PCDHA9: variants seen among roughly 807,000 people sequenced by gnomAD.
PCDHA9 encodes protocadherin alpha 9.
Under a neutral mutation model 62.0 loss-of-function variants are expected in PCDHA9, and 62 were observed. The observed-to-expected ratio is 1.00, with a 90% CI of 0.81 to 1.23. The LOEUF (loss-of-function observed/expected upper bound fraction) is 1.23. PCDHA9 is among the 50% of genes most tolerant of loss of function. PCDHA9 has a pLI of 0.00. For missense variants in PCDHA9, 1,205 were observed against 1,249.8 expected, an observed-to-expected ratio of 0.96 and a Z score of 0.54; for synonymous variants, 557 against 567.6, an observed-to-expected ratio of 0.98 and a Z score of 0.27.
At chr5:140,863,360 G>T in intron 1 of PCDHA9, 1 of 1,206,130 alleles carries the variant, frequency 8.3e-7, no homozygotes, top group Non-Finnish European at 1.2e-6. Context: ...ACGCTGCGGT[G>T]CTTGGCGCAG....
At chr5:140,953,092 G>A (rs141861684) in intron 1 of PCDHA9, among the ~76,000 whole-genome samples, 2 of 152,252 alleles carry the variant, frequency 1.3e-5, no homozygotes, top group South Asian at 2.1e-4. Context: ...ATTACAATTT[G>A]ACATGAGATT....
chr5:140,924,531 G>A (rs1194516404), intron 1 of PCDHA9, among the ~76,000 whole-genome samples: 2 of 152,070 alleles, frequency 1.3e-5, no homozygotes, highest in African/African-American at 2.4e-5. Flanking sequence ...GAGAATGCCC[G>A]AGCTACCCCT....
chr5:140,882,182 G>A (rs1357141908), intron 1 of PCDHA9: 1 of 1,518,510 alleles, frequency 6.6e-7, no homozygotes, highest in Non-Finnish European at 8.8e-7. Context: ...TCCGCACTAG[G>A]AAGCCATAAA....
At chr5:140,912,237 A>T (rs2075827332) in intron 1 of PCDHA9, among the ~76,000 whole-genome samples, 2 of 152,122 alleles carry the variant, frequency 1.3e-5, no homozygotes, top group South Asian at 4.2e-4. Flanking sequence ...CACTGACTCA[A>T]ATGTTAATCT....
intron 1 of PCDHA9, among the ~76,000 whole-genome samples, chr5:140,912,933 C>T (rs1433213824): frequency 6.6e-6 from 1 of 152,070 alleles, no homozygotes; most frequent in African/African-American, 2.4e-5. Context: ...TTGAATCATC[C>T]TTGTATCCCT....
intron 1 of PCDHA9, among the ~76,000 whole-genome samples, chr5:140,890,741 A>G (rs1346321522): frequency 2.0e-5 from 3 of 152,132 alleles, no homozygotes; most frequent in African/African-American, 7.2e-5. Flanking sequence ...CTTATATACT[A>G]TTTCTGTCAT....
intron 1 of PCDHA9, chr5:140,882,678 A>G: frequency 6.2e-7 from 1 of 1,614,250 alleles, no homozygotes; most frequent in East Asian, 2.2e-5. Flanking sequence ...CCTGAAAGCA[A>G]GAAACGAATA....
intron 1 of PCDHA9, among the ~76,000 whole-genome samples, chr5:140,910,364 TATGCCCACCTTGCC>T: frequency 6.6e-6 from 1 of 152,222 alleles, no homozygotes; most frequent in Admixed American, 6.5e-5. Context: ...TTATGGTAGC[TATGCCCACCTTGCC>T]TTTGACAGTT....
chr5:140,990,871 G>GT, intron 3 of PCDHA9, among the ~76,000 whole-genome samples: 1 of 152,284 alleles, frequency 6.6e-6, no homozygotes, highest in East Asian at 1.9e-4. Context: ...TATTTTAAGT[G>GT]TATGTTCCAG....
intron 1 of PCDHA9, among the ~76,000 whole-genome samples, chr5:140,900,073 G>C (rs1490261769): frequency 6.6e-6 from 1 of 152,072 alleles, no homozygotes; most frequent in South Asian, 2.1e-4. Context: ...GCCTCCAAAA[G>C]TGCTGCAGTT....
intron 1 of PCDHA9, chr5:140,856,523 G>T: frequency 6.3e-7 from 1 of 1,598,526 alleles, no homozygotes; most frequent in Non-Finnish European, 8.6e-7. Context: ...CGCATCTGAT[G>T]CGGATGTTGG....
At chr5:140,869,471 T>A in intron 1 of PCDHA9, 1 of 1,613,696 alleles carries the variant, frequency 6.2e-7, no homozygotes, top group East Asian at 2.2e-5. Context: ...AACGTGGAGG[T>A]GAAGGACATT....
intron 1 of PCDHA9, among the ~76,000 whole-genome samples, chr5:140,901,300 C>T (rs189786790): frequency 3.3e-5 from 5 of 152,176 alleles, no homozygotes; most frequent in African/African-American, 9.6e-5. Flanking sequence ...ACTGATGTTC[C>T]GGAGAGTTTC....
At chr5:140,869,591 A>AGAAT in intron 1 of PCDHA9, 1 of 1,614,138 alleles carries the variant, frequency 6.2e-7, no homozygotes. Flanking sequence ...GCTGACATTG[A>AGAAT]AGAGAATGCT....
At chr5:140,978,827 G>T (rs2096825118) in intron 1 of PCDHA9, 122 bp from the exon 2 acceptor site, 2 of 1,528,744 alleles carry the variant, frequency 1.3e-6, no homozygotes, top group Admixed American at 2.0e-5. Flanking sequence ...ACATGAAATG[G>T]CTCATTCAAT....
chr5:140,980,412 A>G (rs1264059417), intron 2 of PCDHA9, among the ~76,000 whole-genome samples: 4 of 152,302 alleles, frequency 2.6e-5, no homozygotes, highest in Non-Finnish European at 5.9e-5. Flanking sequence ...TGGGCAGATC[A>G]TGAGGTCAAG....
At chr5:140,971,630 C>A (rs1281130153) in intron 1 of PCDHA9, among the ~76,000 whole-genome samples, 1 of 151,972 alleles carries the variant, frequency 6.6e-6, no homozygotes, top group Non-Finnish European at 1.5e-5. Context: ...ACAATTAGTA[C>A]CATGTGCCTA....
At chr5:140,985,670 G>A (rs1554247237) in intron 3 of PCDHA9, among the ~76,000 whole-genome samples, 1 of 152,024 alleles carries the variant, frequency 6.6e-6, no homozygotes, top group East Asian at 1.9e-4. Flanking sequence ...AAAGGAAGTG[G>A]GGCCTGCCTT....
In PCDHA9 at chr5:140,917,987, A is replaced by G. The variant is rs140618239; in HGVS notation, c.2395-60962A>G. 3.9e-3 allele frequency among the ~76,000 whole-genome samples: 598 copies of G among 152,198 alleles called. 2 individuals are homozygous for G. The highest frequency in any genetic ancestry group is 5.9e-3 in the Admixed American group (90 of 15,276). ...GAATCTGTGAATTGCTTTGGACAGT[A>G]TGGTTATCTTAACAATGTTGTTTCT... On this transcript the variant is annotated intron_variant, in intron 1 of 3. Coordinates refer to ENST00000532602, the MANE Select transcript of PCDHA9 (RefSeq NM_031857.2).
Sources: gnomAD v4.1 joint callset for allele counts (sites outside exome capture counted in the v4.1 genomes callset) on GRCh38, gnomAD v4.1.1 for gene constraint, MANE v1.5 for transcripts, NCBI Gene and HGNC (gene_info 2026-07-23, HGNC 2026-07-21) for gene names.